The following PNPLA6 variants were observed in gnomAD, a reference collection of about 807,000 sequenced individuals.
The protein encoded by PNPLA6 is patatin like domain 6, lysophospholipase.
In PNPLA6, 105 loss-of-function variants were observed where a neutral mutation model predicts 153.7. The ratio of observed to expected loss-of-function variants is 0.68; its 90% CI spans 0.58 to 0.80. The LOEUF (loss-of-function observed/expected upper bound fraction) is 0.80, where lower values mean the gene tolerates loss of function less well. Ranked by LOEUF, PNPLA6 falls within the 30% of genes least tolerant of loss-of-function variation. The pLI is 0.00. For missense variants in PNPLA6, 1,423 were observed against 1,919.3 expected (o/e 0.74, Z 4.83); for synonymous variants, 825 against 822.2 (o/e 1.00, Z -0.06).
Position 7,549,991 on chromosome 19 carries a change from G to T in PNPLA6, c.1693G>T (p.Val565Leu). 1 of 1,614,004 alleles carries T rather than the reference G, an allele frequency of 6.2e-7. No individual in the cohort carries two copies. Among genetic ancestry groups the T allele is most frequent in the African/African-American group, 1.3e-5 (1 of 75,060 alleles). ...CAAGGCGGAGGACGTGTGCCTGTTC[G>T]TAGCGCAGCCCGGGGAACTGGTGGG... The part of the protein sequence containing the change: ...IDKAEDVCLF[V>L]AQPGELVGQL... The change falls in exon 14 of 32, where the codon GTA becomes TTA. Residue 565 changes from valine (V) to leucine (L), a missense_variant. Physicochemically the swap from Val to Leu is conservative, Grantham distance 32. Transcript: ENST00000600737.
At position 7,541,651 on chromosome 19, in the gene PNPLA6, G is replaced by A. The variant is rs1372004040; in HGVS notation, c.1135G>A (p.Asp379Asn). The A allele has an allele frequency of 2.5e-6, 4 of 1,580,716 alleles. No individual in the cohort carries two copies. Among genetic ancestry groups the A allele is most frequent in the Middle Eastern group, 1.7e-4 (1 of 6,040 alleles). Residue 379 changes from aspartate to asparagine, a missense_variant, in exon 9 of 32, where the codon GAT becomes AAT. By Grantham distance (23) the Asp-to-Asn change is conservative (BLOSUM62 1). Coordinates refer to ENST00000600737, the MANE Select transcript of PNPLA6 (RefSeq NM_001166114.2). This position sits in a 1 kb window ranked among gnomAD's most constrained non-coding sequence, Gnocchi z 5.2. ...CAGGGAGACCCCAGGGCGGCCACCCGATCCCACCGGGGCCCCGCTGCCTGG... is the reference window on the plus strand; with the variant it reads ...CAGGGAGACCCCAGGGCGGCCACCCAATCCCACCGGGGCCCCGCTGCCTGG... ...EPRETPGRPP[D>N]PTGAPLPGPT...
Position 7,560,774 on chromosome 19 carries a change from T to G in PNPLA6, c.3816+10T>G, listed in dbSNP as rs371363260. 4 of 1,546,762 alleles carry G rather than the reference T, an allele frequency of 2.6e-6. No individual in the cohort carries two copies. The African/African-American group carries it at 5.4e-5, about 21-fold the overall frequency. ...GAGCCGCCGTGCAGACGTAAGCCTG[T>G]GATGCCCCCAGGGCCACTCTGACTC... On this transcript the variant is annotated intron_variant, in intron 29 of 31. Transcript: ENST00000600737.
chr19:7,558,164 A>G (rs2023964602), intron 27 of PNPLA6, among the ~76,000 whole-genome samples: 1 of 152,196 alleles, frequency 6.6e-6, no homozygotes, highest in South Asian at 2.1e-4. Context: ...TACCACCTTT[A>G]TGGGTGCAGG....
At position 7,540,293 on chromosome 19, in the gene PNPLA6, C is replaced by T. The variant is rs776987928; in HGVS notation, c.699C>T (p.Leu233=). The change falls in exon 5 of 32, where the codon CTC becomes CTT. Residue 233 remains leucine (L), a synonymous_variant. Transcript: ENST00000600737. This position sits in a 1 kb window ranked among gnomAD's most constrained non-coding sequence, Gnocchi z 6.8. ...IYVVQDGLLE[L]CLPGPDGKEC... ...TGGTGCAGGACGGGCTGCTGGAGCT[C>T]TGTCTGCCAGGGCCTGTGAGTGGGC... is the stretch of plus-strand genomic sequence containing the variant. The T allele has an allele frequency of 2.1e-5, 33 of 1,606,278 alleles. No homozygotes were observed. The highest frequency in any genetic ancestry group is 2.6e-5 in the Non-Finnish European group (31 of 1,178,808).
rs781147218 is a variant in PNPLA6, at chr19:7,556,655, G to A, written c.3211G>A (p.Asp1071Asn). ...CCCACCTCGATCCCTGTCCCCGCAG[G>A]ACCTGTGGCTGCCTTACTTCAACGT... ...HRVFQDKQIE[D>N]LWLPYFNVTT... The change falls in exon 26 of 32, where the codon GAC (aspartate) becomes AAC (asparagine). Residue 1071 changes from aspartate (D) to asparagine (N), a missense_variant and splice_region_variant. Physicochemically the swap from Asp to Asn is conservative, Grantham distance 23. This residue lies in a region of PNPLA6 where 643 missense variants were observed against 835.2 expected (regional missense o/e 0.77). Coordinates refer to ENST00000600737, the MANE Select transcript of PNPLA6 (RefSeq NM_001166114.2). 16 of 1,613,040 alleles carry A rather than the reference G, an allele frequency of 9.9e-6. No individual in the cohort carries two copies. The highest frequency in any genetic ancestry group is 1.3e-5 in the Non-Finnish European group (15 of 1,179,230).
chr19:7,557,776 T>G (rs2023945806), intron 27 of PNPLA6, among the ~76,000 whole-genome samples: 1 of 118,240 alleles, frequency 8.5e-6, no homozygotes, highest in Admixed American at 1.1e-4. Context: ...AGAGCAAGAC[T>G]CAGTCTCAAA....
chr19:7,554,843 G>A (rs373747336), intron 21 of PNPLA6, 50 bp from the exon 22 acceptor site: 2 of 1,569,946 alleles, frequency 1.3e-6, no homozygotes, highest in Non-Finnish European at 1.7e-6. Context: ...CCCAGGTGTG[G>A]CCAGGTGGTG....
upstream of PNPLA6, chr19:7,534,474 T>A (rs2022748421): frequency 6.4e-6 from 1 of 155,192 alleles, no homozygotes; most frequent in Non-Finnish European, 1.4e-5. Context: ...CCGGGATTCC[T>A]ATCTCCCGGC....
At chr19:7,547,189 G>A (rs1568413095) in intron 13 of PNPLA6, among the ~76,000 whole-genome samples, 3 of 152,190 alleles carry the variant, frequency 2.0e-5, no homozygotes, top group Non-Finnish European at 1.5e-5. Flanking sequence ...ACAGATGTGA[G>A]CCACCATGGC....
At position 7,558,863 on chromosome 19, in the gene PNPLA6, C is replaced by T; in HGVS notation, c.3411C>T (p.Arg1137=). 6.2e-7 allele frequency: 1 copy of T among 1,610,130 alleles called. No homozygotes were observed. The highest frequency in any genetic ancestry group is 1.1e-5 in the South Asian group (1 of 91,030). The change falls in exon 28 of 32, where the codon CGC becomes CGT. Residue 1137 remains arginine, a synonymous_variant. Coordinates refer to ENST00000600737, the MANE Select transcript of PNPLA6 (RefSeq NM_001166114.2). ...CTGGCCCCACAGCGGACATCGCCCGCAGCATGGGTGCCAAAACGGTCATCG... is the reference window on the plus strand; with the variant it reads ...CTGGCCCCACAGCGGACATCGCCCGTAGCATGGGTGCCAAAACGGTCATCG... The part of the protein sequence containing the change: ...YINNLPADIA[R]SMGAKTVIAI...
In PNPLA6 at chr19:7,541,889, CTAGT is replaced by C. The variant is rs1209233977; in HGVS notation, c.1169-92_1169-89del. 2.0e-5 allele frequency: 24 copies of C among 1,218,490 alleles called. No individual in the cohort carries two copies. The highest frequency in any genetic ancestry group is 2.8e-5 in the Non-Finnish European group (23 of 832,916). 75.5% of individuals were successfully genotyped at this position (1,218,490 alleles called of 1,614,324 possible). A position where few individuals can be genotyped will look rare whatever the true frequency, so the allele number is the denominator to read the frequency against. On this transcript the variant is annotated intron_variant, in intron 9 of 31. Transcript: ENST00000600737. This position sits in a 1 kb window ranked among gnomAD's most constrained non-coding sequence, Gnocchi z 5.2. Reference sequence around the variant, plus strand: ...CAAGGGCCCATTGGAATTGCTTTAACTAGTTAATCAGTCGCCAGCATCTCCTTAT... The same window carrying C: ...CAAGGGCCCATTGGAATTGCTTTAACTAATCAGTCGCCAGCATCTCCTTAT...
intron 27 of PNPLA6, among the ~76,000 whole-genome samples, chr19:7,558,153 C>T (rs11880908): frequency 0.16 from 24,506 of 152,258 alleles, 2,202 homozygotes; most frequent in African/African-American, 0.24. Context: ...TAAGTCATGC[C>T]TACCACCTTT....
chr19:7,539,757 C>CAAA (rs762061101), intron 3 of PNPLA6, among the ~76,000 whole-genome samples, 161 bp from the exon 4 acceptor site: 4 of 50,844 alleles, frequency 7.9e-5, no homozygotes, highest in Non-Finnish European at 1.3e-4. Context: ...AACTTCGTCT[C>CAAA]AAAAAAAAAA....
intron 1 of PNPLA6, 58 bp from the exon 2 acceptor site, chr19:7,536,133 T>C (rs1310909832): frequency 4.6e-6 from 7 of 1,524,904 alleles, no homozygotes. Context: ...GTACCCCAGC[T>C]CTGGCAGGGT....
intron 13 of PNPLA6, among the ~76,000 whole-genome samples, chr19:7,545,127 A>G (rs2023332266): frequency 6.6e-6 from 1 of 151,996 alleles, no homozygotes; most frequent in African/African-American, 2.4e-5. Flanking sequence ...CCCGGATTCA[A>G]GTGATTCTCC....
chr19:7,546,233 A>G (rs2023380754), intron 13 of PNPLA6, among the ~76,000 whole-genome samples: 1 of 152,156 alleles, frequency 6.6e-6, no homozygotes, highest in South Asian at 2.1e-4. Flanking sequence ...CTAAGAAATA[A>G]AAAAGGAAGT....
In PNPLA6 at chr19:7,541,730, C is replaced by A; in HGVS notation, c.1168+46C>A. ...AGCCGAGCCCAATCTCCCAGGAAGC[C>A]CCGTCTCAGCCGCCAGCCCCTTTTT... On this transcript the variant is annotated intron_variant, in intron 9 of 31. Coordinates refer to ENST00000600737, the MANE Select transcript of PNPLA6 (RefSeq NM_001166114.2). The surrounding 1 kb of genome is among the most constrained non-coding windows in gnomAD (Gnocchi z 5.2). 1 of 1,536,126 alleles carries A rather than the reference C, an allele frequency of 6.5e-7. No individual in the cohort carries two copies. Among genetic ancestry groups the A allele is most frequent in the Non-Finnish European group, 8.8e-7 (1 of 1,141,942 alleles).
rs775120459 is a variant in PNPLA6, at chr19:7,561,290, C to T, written c.3996C>T (p.Gly1332=). 2.6e-5 allele frequency: 42 copies of T among 1,607,598 alleles called. 1 individual carries two copies. The highest frequency in any genetic ancestry group is 2.0e-4 in the South Asian group (18 of 89,752). The change falls in exon 31 of 32, where the codon GGC becomes GGT. Residue 1332 remains glycine, a synonymous_variant. Transcript: ENST00000600737. Reference sequence around the variant, plus strand: ...GGGATGAAGGGGGGTCCCCCGAGGGCGCAAGCCCCAGCACTGCCTCCGAGA... The same window carrying T: ...GGGATGAAGGGGGGTCCCCCGAGGGTGCAAGCCCCAGCACTGCCTCCGAGA... ...CSRDEGGSPE[G]ASPSTASEME...
Position 7,556,307 on chromosome 19 carries a change from C to T in PNPLA6, c.3094-146C>T, listed in dbSNP as rs2023877783. 8 of 750,648 alleles carry T rather than the reference C, an allele frequency of 1.1e-5. No homozygotes were observed. The East Asian group carries it at 2.0e-4, about 18-fold the overall frequency. The allele number at this position is 750,648 out of a possible 1,614,324, so 46.5% of individuals were successfully genotyped here. A position where few individuals can be genotyped will look rare whatever the true frequency, so the allele number is the denominator to read the frequency against. On this transcript the variant is annotated intron_variant, in intron 24 of 31. Transcript: ENST00000600737. ...TGAACTCCTGGCCTCAAGTGATCTG[C>T]CCGCCTTGGCCTCCAAAGTGCTGGG...
Sources: gnomAD v4.1 joint callset for allele counts (sites outside exome capture counted in the v4.1 genomes callset) on GRCh38, gnomAD v4.1.1 for gene constraint, gnomAD v4.1.1 regional missense constraint, Gnocchi (gnomAD v3.1) non-coding constraint, MANE v1.5 for transcripts, NCBI Gene and HGNC (gene_info 2026-07-23, HGNC 2026-07-21) for gene names.